The following FEZF1 variants were observed in gnomAD, a reference collection of about 807,000 sequenced individuals.
FEZF1 encodes FEZ family zinc finger 1.
FEZF1 carries 8 observed loss-of-function variants against 32.4 expected under a neutral mutation model. That is an observed-to-expected ratio of 0.25 (90% CI 0.15 to 0.45). FEZF1 has a LOEUF of 0.45. Among genes scored for constraint, FEZF1 ranks in the 20% least tolerant of loss-of-function variants. The pLI is 1.00. For synonymous variants in FEZF1, 259 were observed against 265.2 expected, an observed-to-expected ratio of 0.98 and a Z score of 0.23; for missense variants, 546 against 622.3, an observed-to-expected ratio of 0.88 and a Z score of 1.31.
Position 122,303,192 on chromosome 7 carries a change from C to T in FEZF1, c.921G>A (p.Lys307=). The T allele has an allele frequency of 3.1e-6, 5 of 1,614,164 alleles. No homozygotes were observed. The highest frequency in any genetic ancestry group is 4.2e-6 in the Non-Finnish European group (5 of 1,180,030). ...FRQASTLCRH[K]IIHTQEKPHK... ...ATGAACACACCTGCGTGTGAATGAT[C>T]TTGTGCCTGCACAGGGTGCTTGCTT... Residue 307 remains lysine (K), a synonymous_variant, in exon 2 of 4, where the codon AAG becomes AAA. Coordinates refer to ENST00000442488, the MANE Select transcript of FEZF1 (RefSeq NM_001024613.4).
In FEZF1 at chr7:122,302,939, G is replaced by A. The variant is rs748758252; in HGVS notation, c.937-8C>T. 29 of 1,598,372 alleles carry A rather than the reference G, an allele frequency of 1.8e-5. No homozygotes were observed. Among genetic ancestry groups the A allele is most frequent in the Non-Finnish European group, 8.5e-6 (10 of 1,173,152 alleles). On this transcript the variant is annotated splice_polypyrimidine_tract_variant and splice_region_variant and intron_variant, in intron 2 of 3. Coordinates refer to ENST00000442488, the MANE Select transcript of FEZF1 (RefSeq NM_001024613.4). The surrounding 1 kb of genome is among the most constrained non-coding windows in gnomAD (Gnocchi z 4.4). ...ACATTTGTGAGGTTTTTCCTAAGCA[G>A]GAGAAAGGAAAAGCAGAGACATTTA...
chr7:122,303,295 T>C lies in FEZF1; in HGVS notation c.818A>G (p.Tyr273Cys), dbSNP rs1191547844. The change falls in exon 2 of 4, where the codon TAT (tyrosine) becomes TGT (cysteine). Residue 273 changes from tyrosine (Y) to cysteine (C), a missense_variant. Coordinates refer to ENST00000442488, the MANE Select transcript of FEZF1 (RefSeq NM_001024613.4). ...CACTGGCATGTGACGGGTTAAGTTA[T>C]AGTGCGCATTAAAGACCTTAAAATT... ...EVCGKVFNAH[Y>C]NLTRHMPVHT... is the part of the protein sequence containing the mutation. 11 of 1,614,082 alleles carry C rather than the reference T, an allele frequency of 6.8e-6. No individual in the cohort carries two copies. The highest frequency in any genetic ancestry group is 4.4e-5 in the South Asian group (4 of 91,084).
In FEZF1 at chr7:122,301,727, TA is replaced by T. The variant is rs201400828; in HGVS notation, c.*269del. The T allele has an allele frequency of 3.8e-4, 146 of 387,510 alleles. No individual in the cohort carries two copies. The highest frequency in any genetic ancestry group is 1.3e-3 in the Middle Eastern group (2 of 1,574). The allele number at this position is 387,510 out of a possible 1,614,324, so 24.0% of individuals were successfully genotyped here. ...CCCAAGATGAAAAGTCTTTCCAAATTAAAAAAAAAGAAAAAGAAAAACAGAA... is the reference window on the plus strand; with the variant it reads ...CCCAAGATGAAAAGTCTTTCCAAATTAAAAAAAAGAAAAAGAAAAACAGAA... On this transcript the variant is annotated 3_prime_UTR_variant, in exon 4 of 4. Transcript: ENST00000442488.
At chr7:122,309,254 T>G (rs914357121), upstream of FEZF1, among the ~76,000 whole-genome samples, 1 of 152,218 alleles carries the variant, frequency 6.6e-6, no homozygotes, top group Non-Finnish European at 1.5e-5. Flanking sequence ...TAAAGCAATG[T>G]GAAGGACAGT....
rs759624597 is a variant in FEZF1, at chr7:122,304,138, C to T, written c.300G>A (p.Leu100=). ...CCGCCGCGGGCGCCGCCGGGGCCTC[C>T]AGACTGGCCTTCCGCGGCTCGGAGC... ...VTGSEPRKAS[L]EAPAAPAAVP... The change falls in exon 1 of 4, where the codon CTG becomes CTA. Residue 100 remains leucine, a synonymous_variant. Coordinates refer to ENST00000442488, the MANE Select transcript of FEZF1 (RefSeq NM_001024613.4). The T allele has an allele frequency of 6.2e-7, 1 of 1,602,914 alleles. No homozygotes were observed. The highest frequency in any genetic ancestry group is 1.3e-5 in the African/African-American group (1 of 74,646).
rs998981964 is a variant in FEZF1 at position 122,301,811 on chromosome 7, C to T, written c.*186G>A. 6 of 710,258 alleles carry T rather than the reference C, an allele frequency of 8.4e-6. No individual in the cohort carries two copies. The African/African-American group carries it at 1.1e-4, about 13-fold the overall frequency. The allele number at this position is 710,258 out of a possible 1,614,324, so 44.0% of individuals were successfully genotyped here. A position where few individuals can be genotyped will look rare whatever the true frequency, so the allele number is the denominator to read the frequency against. ...GTTAGTGCCTATATAGAATATAATA[C>T]ACAAAACCATTTAGCAGGTGCATGC... On this transcript the variant is annotated 3_prime_UTR_variant, in exon 4 of 4. Coordinates refer to ENST00000442488, the MANE Select transcript of FEZF1 (RefSeq NM_001024613.4).
At chr7:122,306,614 G>A (rs2031288657), upstream of FEZF1, 1 of 152,294 alleles carries the variant, frequency 6.6e-6, no homozygotes, top group South Asian at 2.1e-4. Context: ...AAGAGAGCTT[G>A]GGCTGGGAAC....
rs759927643 is a variant in FEZF1 at position 122,303,922 on chromosome 7, C to A, written c.516G>T (p.Pro172=). 6.2e-7 allele frequency: 1 copy of A among 1,612,058 alleles called. No homozygotes were observed. The highest frequency in any genetic ancestry group is 2.2e-5 in the East Asian group (1 of 44,794). The change falls in exon 1 of 4, where the codon CCG becomes CCT. Residue 172 remains proline (P), a synonymous_variant. Coordinates refer to ENST00000442488, the MANE Select transcript of FEZF1 (RefSeq NM_001024613.4). Reference sequence around the variant, plus strand: ...CCGGGTGGATGTTCACGCCGGCTGCCGGGTGGCATGGGCCGTCACCTCGGT... The same window carrying A: ...CCGGGTGGATGTTCACGCCGGCTGCAGGGTGGCATGGGCCGTCACCTCGGT... ...YLNRGDGPCH[P]AAGVNIHPVA...
chr7:122,302,061 G>A lies in FEZF1; in HGVS notation c.1364C>T (p.Pro455Leu), dbSNP rs763337621. ...CGGGGTTGGCAGCGGCGGCTGCAGA[G>A]GAGGCAGCGTCATCGGCGGCTGCTG... Reference protein sequence around the residue: ...LPQQPPMTLPPLQPPLPTPGP... With the variant: ...LPQQPPMTLPLLQPPLPTPGP... The change falls in exon 4 of 4, where the codon CCT becomes CTT. Residue 455 changes from proline (P) to leucine (L), a missense_variant. Physicochemically the swap from Pro to Leu is moderately conservative, Grantham distance 98. Transcript: ENST00000442488. The surrounding 1 kb of genome is among the most constrained non-coding windows in gnomAD (Gnocchi z 4.4). 1.2e-6 allele frequency: 2 copies of A among 1,606,646 alleles called. No homozygotes were observed. The highest frequency in any genetic ancestry group is 1.7e-6 in the Non-Finnish European group (2 of 1,178,656).
At position 122,303,971 on chromosome 7, in the gene FEZF1, G is replaced by T; in HGVS notation, c.467C>A (p.Ala156Asp). The part of the protein sequence containing the change: ...PRVVNHSSFH[A>D]MGALCYLNRG... The stretch of plus-strand genomic sequence containing the variant: ...GTTCAGGTAGCACAAGGCGCCCATG[G>T]CGTGGAATGAAGAGTGGTTGACCAC... The change falls in exon 1 of 4, where the codon GCC becomes GAC. Residue 156 changes from alanine (A) to aspartate (D), a missense_variant. Transcript: ENST00000442488. 6.3e-7 allele frequency: 1 copy of T among 1,590,790 alleles called. No homozygotes were observed. Among genetic ancestry groups the T allele is most frequent in the Admixed American group, 1.8e-5 (1 of 55,690 alleles).
At chr7:122,305,252 T>C (rs1363276152), upstream of FEZF1, 1 of 151,434 alleles carries the variant, frequency 6.6e-6, no homozygotes. Context: ...CCGGGTCAGA[T>C]CTGTGCCACC....
rs1390465466 is a variant in FEZF1 at position 122,303,536 on chromosome 7, A to AGGAG, written c.801+97_801+100dup. 444 of 325,164 alleles carry AGGAG rather than the reference A, an allele frequency of 1.4e-3. 7 individuals carry two copies. Among genetic ancestry groups the AGGAG allele is most frequent in the South Asian group, 4.8e-3 (152 of 31,816 alleles). The allele number at this position is 325,164 out of a possible 1,614,324, so 20.1% of individuals were successfully genotyped here. ...AAGGAAGGAAGGAAGGAAGGAAGGA[A>AGGAG]GGAGGGAGGGAAGGAAGGAGGGAAG... On this transcript the variant is annotated intron_variant, in intron 1 of 3. Coordinates refer to ENST00000442488, the MANE Select transcript of FEZF1 (RefSeq NM_001024613.4).
In FEZF1 at chr7:122,301,636, A is replaced by G; in HGVS notation, c.*361T>C. The G allele has an allele frequency of 4.7e-6, 1 of 211,466 alleles. No homozygotes were observed. Among genetic ancestry groups the G allele is most frequent in the Non-Finnish European group, 9.2e-6 (1 of 108,600 alleles). 13.1% of individuals were successfully genotyped at this position (211,466 alleles called of 1,614,324 possible). On this transcript the variant is annotated 3_prime_UTR_variant, in exon 4 of 4. Coordinates refer to ENST00000442488, the MANE Select transcript of FEZF1 (RefSeq NM_001024613.4). ...GCAGCATTCCCGGGTAGAATAATAC[A>G]GATCTCAATAAATATAGCAGAAATT...
chr7:122,304,350 C>A lies in FEZF1; in HGVS notation c.88G>T (p.Ala30Ser). ...GCCATGATTCGTTCAATGGAGAAAG[C>A]CAAGGGTTTGGACGTGCTCATCATG... ...GNMMSTSKPL[A>S]FSIERIMART... The change falls in exon 1 of 4, where the codon GCT (alanine) becomes TCT (serine). Residue 30 changes from alanine (A) to serine (S), a missense_variant. Coordinates refer to ENST00000442488, the MANE Select transcript of FEZF1 (RefSeq NM_001024613.4). 1 of 1,612,292 alleles carries A rather than the reference C, an allele frequency of 6.2e-7. No individual in the cohort carries two copies.
intron 2 of FEZF1, 38 bp downstream of exon 2, chr7:122,303,139 G>A: frequency 2.5e-6 from 4 of 1,613,334 alleles, no homozygotes; most frequent in Non-Finnish European, 3.4e-6. Flanking sequence ...CAAACAGTTC[G>A]GAAGCAAACT....
At chr7:122,306,108 G>A (rs1194565767), upstream of FEZF1, 4 of 152,036 alleles carry the variant, frequency 2.6e-5, no homozygotes, top group African/African-American at 9.7e-5. Context: ...CCGCAGCTAG[G>A]CGCGCAGGAA....
chr7:122,304,720 A>G lies in FEZF1; in HGVS notation c.-283T>C. 1 of 387,742 alleles carries G rather than the reference A, an allele frequency of 2.6e-6. No homozygotes were observed. 24.0% of individuals were successfully genotyped at this position (387,742 alleles called of 1,614,324 possible). On this transcript the variant is annotated 5_prime_UTR_variant, in exon 1 of 4. Transcript: ENST00000442488. ...CAATAACGCAGCCAAGATCTCGCCA[A>G]TCGTTAACTTCCAAGAGGAGAAGGT...
In FEZF1 at chr7:122,304,227, T is replaced by C; in HGVS notation, c.211A>G (p.Ile71Val). ...PKHSLHLNSS[I>V]PCMIPFVPVA... Reference sequence around the variant, plus strand: ...GGCACGAAGGGGATCATGCAGGGGATCGACGAGTTGAGATGCAGAGAGTGC... The same window carrying C: ...GGCACGAAGGGGATCATGCAGGGGACCGACGAGTTGAGATGCAGAGAGTGC... Residue 71 changes from isoleucine (I) to valine (V), a missense_variant, in exon 1 of 4, where the codon ATC (isoleucine) becomes GTC (valine). Transcript: ENST00000442488. 1 of 1,596,688 alleles carries C rather than the reference T, an allele frequency of 6.3e-7. No homozygotes were observed. Among genetic ancestry groups the C allele is most frequent in the Non-Finnish European group, 8.6e-7 (1 of 1,169,340 alleles).
chr7:122,308,211 A>G (rs1435824718), upstream of FEZF1, among the ~76,000 whole-genome samples: 2 of 151,868 alleles, frequency 1.3e-5, no homozygotes, highest in Non-Finnish European at 2.9e-5. Context: ...CTTTCCATCC[A>G]TGGAAAGGCA....
Sources: allele counts gnomAD v4.1 joint callset (sites outside exome capture counted in the v4.1 genomes callset), GRCh38; gene constraint gnomAD v4.1.1; non-coding constraint Gnocchi (gnomAD v3.1); transcripts MANE v1.5; gene names NCBI Gene and HGNC (gene_info 2026-07-23, HGNC 2026-07-21).